Variants in RASA3 observed in about 807,000 individuals in gnomAD.
The protein encoded by RASA3 is ras GTPase-activating protein 3.
A neutral mutation model predicts 110.0 loss-of-function variants in RASA3; 73 were observed. The observed-to-expected ratio is 0.66, with a 90% CI of 0.55 to 0.81. The LOEUF is 0.81. Ranked by LOEUF, RASA3 falls within the 30% of genes least tolerant of loss-of-function variation. The pLI is 0.00. For missense variants in RASA3, 976 were observed against 1,113.2 expected, an observed-to-expected ratio of 0.88 and a Z score of 1.75; for synonymous variants, 500 against 451.4, an observed-to-expected ratio of 1.11 and a Z score of -1.37.
In RASA3 at chr13:114,009,476, C is replaced by T. The variant is rs41291211; in HGVS notation, c.1591-12G>A. ...TCCTTAAAACTCGCCTAAAATGAAA[C>T]GGAGATCACTCGAGGACAGCCCGAA... is the stretch of plus-strand genomic sequence containing the variant. On this transcript the variant is annotated splice_polypyrimidine_tract_variant and intron_variant, in intron 16 of 23. Transcript: ENST00000334062. 0.17 allele frequency: 268,839 copies of T among 1,588,052 alleles called. 25,560 individuals are homozygous for T. Among genetic ancestry groups the T allele is most frequent in the Middle Eastern group, 0.2 (1,223 of 6,042 alleles).
intron 4 of RASA3, among the ~76,000 whole-genome samples, chr13:114,034,430 C>T (rs967051776): frequency 5.3e-5 from 8 of 152,050 alleles, no homozygotes; most frequent in African/African-American, 1.7e-4. Flanking sequence ...TGTGCTCTCC[C>T]GGCCCCTGGC....
chr13:114,092,436 G>T (rs981922504), intron 1 of RASA3, among the ~76,000 whole-genome samples: 2 of 152,122 alleles, frequency 1.3e-5, no homozygotes, highest in Non-Finnish European at 2.9e-5. Context: ...GGTCATTCGG[G>T]AGCATGTTGT....
In RASA3 at chr13:114,014,776, C is replaced by G. The variant is rs1436623335; in HGVS notation, c.1405+433G>C. ...GGCAGGCAGAGCCCCCAACACCACT[C>G]TGGGCCCTGCCAGGGTCGGCCACAA... is the stretch of plus-strand genomic sequence containing the variant. On this transcript the variant is annotated intron_variant, in intron 14 of 23. Coordinates refer to ENST00000334062, the MANE Select transcript of RASA3 (RefSeq NM_007368.4). This position sits in a 1 kb window ranked among gnomAD's most constrained non-coding sequence, Gnocchi z 4.5. 6.6e-6 allele frequency among the ~76,000 whole-genome samples: 1 copy of G among 152,132 alleles called. No individual in the cohort carries two copies. Among genetic ancestry groups the G allele is most frequent in the East Asian group, 1.9e-4 (1 of 5,182 alleles).
Position 114,029,801 on chromosome 13 carries a change from C to A in RASA3, c.449+10G>T. 1.3e-6 allele frequency: 2 copies of A among 1,588,848 alleles called. No homozygotes were observed. Among genetic ancestry groups the A allele is most frequent in the Non-Finnish European group, 1.7e-6 (2 of 1,168,018 alleles). Reference sequence around the variant, plus strand: ...CTGTGCGCTCGGTCTCTAGTGAGGACGTGTCTTACCGTGTGGCGAGCTTGT... The same window carrying A: ...CTGTGCGCTCGGTCTCTAGTGAGGAAGTGTCTTACCGTGTGGCGAGCTTGT... On this transcript the variant is annotated intron_variant, in intron 5 of 23. Coordinates refer to ENST00000334062, the MANE Select transcript of RASA3 (RefSeq NM_007368.4).
intron 18 of RASA3, among the ~76,000 whole-genome samples, chr13:114,001,801 CG>C (rs1313475190): frequency 5.3e-5 from 8 of 152,204 alleles, no homozygotes; most frequent in African/African-American, 1.9e-4. Flanking sequence ...AGGCAGCAGA[CG>C]CCCACAAAAC....
At chr13:114,020,592 C>T (rs925240731) in intron 9 of RASA3, among the ~76,000 whole-genome samples, 2 of 152,218 alleles carry the variant, frequency 1.3e-5, no homozygotes, top group African/African-American at 4.8e-5. Flanking sequence ...GCACGCTTCC[C>T]GTGACTCCGG....
In RASA3 at chr13:114,114,792, C is replaced by T. The variant is rs1434142019; in HGVS notation, c.55+17643G>A. On this transcript the variant is annotated intron_variant, in intron 1 of 23. Transcript: ENST00000334062. The surrounding 1 kb of genome is among the most constrained non-coding windows in gnomAD (Gnocchi z 4.8). ...AGCTTACTTGGCTTTGATTTTTCAA[C>T]CACCCGCCCTCATGTGCAGGGACAG... is the stretch of plus-strand genomic sequence containing the variant. Among the ~76,000 whole-genome samples the T allele has an allele frequency of 2.6e-5, 4 of 152,230 alleles. No individual in the cohort carries two copies. The highest frequency in any genetic ancestry group is 6.5e-5 in the Admixed American group (1 of 15,282).
In RASA3 at chr13:114,013,244, G is replaced by T. The variant is rs1445153789; in HGVS notation, c.1410C>A (p.Asp470Glu). 1.2e-6 allele frequency: 2 copies of T among 1,610,824 alleles called. No homozygotes were observed. Among genetic ancestry groups the T allele is most frequent in the Non-Finnish European group, 1.7e-6 (2 of 1,178,750 alleles). Reference protein sequence around the residue: ...REAAAKRFQDDPDVRYTAVSS... With the variant: ...REAAAKRFQDEPDVRYTAVSS... ...TCACTGCAGTGTACCTGACGTCCGG[G>T]TCATCTGCGGGAGAGAGAAGCAGGG... The change falls in exon 15 of 24, where the codon GAC becomes GAA. Residue 470 changes from aspartate to glutamate, a missense_variant. Transcript: ENST00000334062.
At chr13:114,093,162 TA>T (rs2079906755) in intron 1 of RASA3, among the ~76,000 whole-genome samples, 1 of 152,256 alleles carries the variant, frequency 6.6e-6, no homozygotes, top group Non-Finnish European at 1.5e-5. Flanking sequence ...TTACACACCA[TA>T]ATTACAGTAT....
rs2079266889 is a variant in RASA3, at chr13:114,057,625, C to T, written c.174-5470G>A. ...ACAGAGCCAGCCTGACACCCAAGGC[C>T]ACGATGCCATAGCCAGGGAGCCCTG... On this transcript the variant is annotated intron_variant, in intron 2 of 23. Transcript: ENST00000334062. This position sits in a 1 kb window ranked among gnomAD's most constrained non-coding sequence, Gnocchi z 5.0. 6.6e-6 allele frequency among the ~76,000 whole-genome samples: 1 copy of T among 152,200 alleles called. No individual in the cohort carries two copies.
intron 3 of RASA3, among the ~76,000 whole-genome samples, chr13:114,045,339 A>G (rs895820618): frequency 4.6e-5 from 7 of 152,162 alleles, no homozygotes; most frequent in African/African-American, 1.4e-4. Flanking sequence ...TCACCACGAG[A>G]GGCCGGAAGG....
At chr13:114,036,667 A>C (rs2054284102) in intron 4 of RASA3, among the ~76,000 whole-genome samples, 1 of 152,222 alleles carries the variant, frequency 6.6e-6, no homozygotes, top group South Asian at 2.1e-4. Flanking sequence ...CCTCCGGAGT[A>C]GCTGGGATTA....
chr13:114,015,909 G>C (rs942344325), intron 13 of RASA3, among the ~76,000 whole-genome samples: 1 of 152,074 alleles, frequency 6.6e-6, no homozygotes, highest in South Asian at 2.1e-4. Flanking sequence ...AGACCCTCCG[G>C]GGGGGCAGAG....
chr13:114,092,862 T>C (rs1031023180), intron 1 of RASA3, among the ~76,000 whole-genome samples: 6 of 152,190 alleles, frequency 3.9e-5, no homozygotes, highest in Non-Finnish European at 5.9e-5. Context: ...GGTGCATATA[T>C]ATTTACTATT....
At chr13:114,104,847 C>G (rs955382440) in intron 1 of RASA3, among the ~76,000 whole-genome samples, 6 of 151,436 alleles carry the variant, frequency 4.0e-5, no homozygotes, top group African/African-American at 1.5e-4. Context: ...CCCTCCCTCC[C>G]CACACACACG....
At chr13:114,079,917 C>CG (rs951896971) in intron 1 of RASA3, among the ~76,000 whole-genome samples, 84 of 152,140 alleles carry the variant, frequency 5.5e-4, no homozygotes, top group African/African-American at 9.4e-4. Context: ...GAGGAAGAGG[C>CG]GGGGGGGCCC....
At chr13:114,101,602 T>A (rs1284171593) in intron 1 of RASA3, among the ~76,000 whole-genome samples, 1 of 152,238 alleles carries the variant, frequency 6.6e-6, no homozygotes, top group Non-Finnish European at 1.5e-5. Context: ...CAAACACGCT[T>A]GGCTGTCCTC....
chr13:114,067,566 A>T (rs920461618), intron 2 of RASA3, among the ~76,000 whole-genome samples: 1 of 152,154 alleles, frequency 6.6e-6, no homozygotes, highest in African/African-American at 2.4e-5. Context: ...AACCCCAAAT[A>T]ACTTCTCCCC....
chr13:114,004,261 T>A (rs2053465191), intron 18 of RASA3, among the ~76,000 whole-genome samples: 1 of 145,658 alleles, frequency 6.9e-6, no homozygotes. Context: ...GCAAAATAAA[T>A]AACCAACAGA....
Sources: gnomAD v4.1 joint callset for allele counts (sites outside exome capture counted in the v4.1 genomes callset) on GRCh38, gnomAD v4.1.1 for gene constraint, Gnocchi (gnomAD v3.1) non-coding constraint, MANE v1.5 for transcripts, NCBI Gene and HGNC (gene_info 2026-07-23, HGNC 2026-07-21) for gene names.